BBS7: variants seen among roughly 807,000 people sequenced by gnomAD.
BBS7 encodes the protein BBSome complex member BBS7.
In BBS7, 50 loss-of-function variants were observed where a neutral mutation model predicts 90.3. That is an observed-to-expected ratio of 0.55 (90% CI 0.44 to 0.70). The LOEUF (loss-of-function observed/expected upper bound fraction) is 0.70, where lower values mean the gene tolerates loss of function less well. BBS7 is among the 30% of genes least tolerant of loss of function. The pLI, the probability that BBS7 is intolerant of heterozygous loss-of-function variation, is 0.00. For missense variants in BBS7, 729 were observed against 838.9 expected (o/e 0.87, Z 1.62); for synonymous variants, 235 against 287.4 (o/e 0.82, Z 1.85).
At chr4:121,860,983 T>C (rs945856152) in intron 4 of BBS7, among the ~76,000 whole-genome samples, 7 of 152,172 alleles carry the variant, frequency 4.6e-5, no homozygotes, top group Non-Finnish European at 4.4e-5. Context: ...TAAGAAATAA[T>C]GAATTAGATG....
chr4:121,844,017 A>G lies in BBS7; in HGVS notation c.1231-16T>C, dbSNP rs781657811. The G allele has an allele frequency of 8.7e-5, 132 of 1,524,260 alleles. No individual in the cohort carries two copies. The highest frequency in any genetic ancestry group is 1.0e-4 in the Non-Finnish European group (116 of 1,112,230). 94.4% of individuals were successfully genotyped at this position (1,524,260 alleles called of 1,614,324 possible). ...GAACATCACTCTATAGTCAATATTA[A>G]AAAAAAAGAAGGTTGAGATGGAAAA... On this transcript the variant is annotated splice_polypyrimidine_tract_variant and intron_variant, in intron 11 of 18. Coordinates refer to ENST00000264499, the MANE Select transcript of BBS7 (RefSeq NM_176824.3).
intron 7 of BBS7, among the ~76,000 whole-genome samples, chr4:121,853,670 G>A (rs1029554669): frequency 1.3e-5 from 2 of 151,678 alleles, no homozygotes; most frequent in African/African-American, 4.9e-5. Context: ...TCTTCTAACT[G>A]GTCTCCATGC....
chr4:121,849,733 G>C (rs1000217542), intron 8 of BBS7, among the ~76,000 whole-genome samples: 1 of 152,170 alleles, frequency 6.6e-6, no homozygotes, highest in Non-Finnish European at 1.5e-5. Context: ...GGGAGACTGA[G>C]GCAAGAGAAT....
At chr4:121,835,796 T>C (rs189706083) in intron 13 of BBS7, among the ~76,000 whole-genome samples, 18 of 152,242 alleles carry the variant, frequency 1.2e-4, no homozygotes, top group Admixed American at 7.2e-4. Flanking sequence ...CATAACAATT[T>C]TATATGAAAA....
At chr4:121,834,429 G>T (rs2706791) in intron 14 of BBS7, among the ~76,000 whole-genome samples, 120,012 of 152,132 alleles carry the variant, frequency 0.79, 47,752 homozygotes, top group African/African-American at 0.89. Context: ...ACATCTTATT[G>T]AAATTATATA....
intron 4 of BBS7, 151 bp downstream of exon 4, chr4:121,861,353 G>T: frequency 1.4e-6 from 1 of 703,058 alleles, no homozygotes; most frequent in Non-Finnish European, 2.3e-6. Flanking sequence ...AATATTGATT[G>T]TAGGTCAAAT....
chr4:121,826,581 T>C (rs1316344889), intron 18 of BBS7, among the ~76,000 whole-genome samples: 1 of 152,232 alleles, frequency 6.6e-6, no homozygotes, highest in African/African-American at 2.4e-5. Flanking sequence ...AGGAATATAC[T>C]ATGGTATTAA....
chr4:121,848,693 G>T, intron 9 of BBS7, 151 bp downstream of exon 9: 1 of 625,772 alleles, frequency 1.6e-6, no homozygotes, highest in Admixed American at 2.7e-5. Context: ...GAGGTTTGAG[G>T]CTTCCACTGG....
At chr4:121,859,303 T>C in intron 4 of BBS7, 125 bp from the exon 5 acceptor site, 3 of 867,132 alleles carry the variant, frequency 3.5e-6, no homozygotes, top group Non-Finnish European at 5.5e-6. Flanking sequence ...ACACAGTTTT[T>C]AAAACTTTCT....
chr4:121,840,840 CT>C (rs140599414), intron 12 of BBS7, among the ~76,000 whole-genome samples: 10,724 of 141,880 alleles, frequency 0.076, 439 homozygotes, highest in African/African-American at 0.13. Context: ...TAAATATATT[CT>C]TTTTTTTTTT....
intron 15 of BBS7, among the ~76,000 whole-genome samples, chr4:121,830,159 T>C (rs993960214): frequency 6.6e-6 from 1 of 152,216 alleles, no homozygotes; most frequent in Non-Finnish European, 1.5e-5. Context: ...CCCAGCACTT[T>C]GGGAGGCCAA....
chr4:121,859,042 G>A lies in BBS7; in HGVS notation c.478C>T (p.Arg160Cys), dbSNP rs756538454. The change falls in exon 5 of 19, where the codon CGT (arginine) becomes TGT (cysteine). Residue 160 changes from arginine (R) to cysteine (C), a missense_variant. Coordinates refer to ENST00000264499, the MANE Select transcript of BBS7 (RefSeq NM_176824.3). ...TGGCAGGCCAATACAGGTGTGATAC[G>A]AGATAATCTTTCCACTGGAAGGCAG... ...VICLPVERLS[R>C]ITPVLACQDR... 27 of 1,613,744 alleles carry A rather than the reference G, an allele frequency of 1.7e-5. No individual in the cohort carries two copies. Among genetic ancestry groups the A allele is most frequent in the Middle Eastern group, 1.6e-4 (1 of 6,082 alleles).
At chr4:121,841,564 C>CT (rs146235819) in intron 12 of BBS7, among the ~76,000 whole-genome samples, 19 of 149,440 alleles carry the variant, frequency 1.3e-4, no homozygotes, top group South Asian at 8.5e-4. Context: ...AGACCCCCAT[C>CT]TTTTAAAAAA....
intron 6 of BBS7, among the ~76,000 whole-genome samples, chr4:121,855,055 G>A (rs1165980867): frequency 6.6e-6 from 1 of 152,134 alleles, no homozygotes; most frequent in East Asian, 1.9e-4. Context: ...GCTCATGCCT[G>A]TAATCCCAGC....
chr4:121,869,366 A>G (rs1056614543), intron 1 of BBS7, among the ~76,000 whole-genome samples: 1 of 152,196 alleles, frequency 6.6e-6, no homozygotes, highest in Non-Finnish European at 1.5e-5. Context: ...CGAGACTTTG[A>G]TTCAAATAGC....
intron 12 of BBS7, among the ~76,000 whole-genome samples, chr4:121,842,248 T>A (rs115262010): frequency 0.029 from 3,186 of 108,812 alleles, 45 homozygotes; most frequent in Middle Eastern, 0.13. Flanking sequence ...TGAGACTCCA[T>A]CTCAAAAAAA....
At chr4:121,839,764 T>A in intron 12 of BBS7, 68 bp from the exon 13 acceptor site, 1 of 1,330,242 alleles carries the variant, frequency 7.5e-7, no homozygotes, top group South Asian at 1.2e-5. Flanking sequence ...AAGACATCAA[T>A]AATAATAATG....
intron 13 of BBS7, among the ~76,000 whole-genome samples, chr4:121,836,807 C>G (rs1251182687): frequency 1.3e-5 from 2 of 152,150 alleles, no homozygotes; most frequent in Non-Finnish European, 2.9e-5. Context: ...TTCATCCTTG[C>G]CCCCTAGTGA....
chr4:121,830,451 C>T (rs1725128408), intron 15 of BBS7, among the ~76,000 whole-genome samples: 1 of 151,904 alleles, frequency 6.6e-6, no homozygotes. Flanking sequence ...ATAAATAATA[C>T]ACCCTTACTA....
Sources: allele counts gnomAD v4.1 joint callset (sites outside exome capture counted in the v4.1 genomes callset), GRCh38; gene constraint gnomAD v4.1.1; transcripts MANE v1.5; gene names NCBI Gene and HGNC (gene_info 2026-07-23, HGNC 2026-07-21).